Variants in ZNF704 observed in about 807,000 individuals in gnomAD.
ZNF704 encodes zinc finger protein 704.
Under a neutral mutation model 44.7 loss-of-function variants are expected in ZNF704, and 10 were observed. The observed-to-expected ratio is 0.22, with a 90% CI of 0.14 to 0.38. The LOEUF is 0.38. ZNF704 is among the 10% of genes least tolerant of loss of function. The pLI, the probability that ZNF704 is intolerant of heterozygous loss-of-function variation, is 1.00. For missense variants in ZNF704, 390 were observed against 545.5 expected (o/e 0.71, Z 2.84); for synonymous variants, 211 against 207.6 (o/e 1.02, Z -0.14).
chr8:80,716,258 T>G (rs1819070886), intron 2 of ZNF704, among the ~76,000 whole-genome samples: 1 of 152,164 alleles, frequency 6.6e-6, no homozygotes, highest in Admixed American at 6.5e-5. Flanking sequence ...ATATTGGAAT[T>G]ATGGGAGTTA....
chr8:80,670,793 A>G (rs1245792234), intron 4 of ZNF704, among the ~76,000 whole-genome samples, 190 bp from the exon 5 acceptor site: 3 of 152,094 alleles, frequency 2.0e-5, no homozygotes, highest in Admixed American at 6.5e-5. Context: ...TTATTTCCTC[A>G]TATCCTTCAA....
intron 1 of ZNF704, among the ~76,000 whole-genome samples, chr8:80,824,602 A>T (rs1808339610): frequency 6.6e-6 from 1 of 152,234 alleles, no homozygotes; most frequent in Non-Finnish European, 1.5e-5. Context: ...TGAGAAGAGC[A>T]ACTCCAAGAC....
At chr8:80,773,416 TTTAA>T (rs1807358148) in intron 2 of ZNF704, among the ~76,000 whole-genome samples, 1 of 152,234 alleles carries the variant, frequency 6.6e-6, no homozygotes. Flanking sequence ...GTCTCCCATT[TTTAA>T]TTGTTTTAAA....
At chr8:80,697,595 C>T (rs960377927) in intron 2 of ZNF704, among the ~76,000 whole-genome samples, 2 of 152,196 alleles carry the variant, frequency 1.3e-5, no homozygotes, top group Non-Finnish European at 2.9e-5. Flanking sequence ...TCTGCATTAC[C>T]ACCTGTGTGA....
chr8:80,818,586 T>C (rs1301770368), intron 2 of ZNF704, among the ~76,000 whole-genome samples: 1 of 152,190 alleles, frequency 6.6e-6, no homozygotes, highest in Non-Finnish European at 1.5e-5. Context: ...GTTTAGGAAA[T>C]AAAGACAAGA....
At chr8:80,819,071 A>G (rs1187588942) in intron 2 of ZNF704, among the ~76,000 whole-genome samples, 1 of 152,118 alleles carries the variant, frequency 6.6e-6, no homozygotes, top group African/African-American at 2.4e-5. Flanking sequence ...AAACAAGTAT[A>G]TTAGTAGATA....
intron 2 of ZNF704, among the ~76,000 whole-genome samples, chr8:80,817,321 C>G (rs1808192624): frequency 6.6e-6 from 1 of 152,248 alleles, no homozygotes; most frequent in African/African-American, 2.4e-5. Context: ...CCATCTGCTG[C>G]ATTTGCGCCA....
At chr8:80,870,295 A>G (rs1440027323) in intron 1 of ZNF704, among the ~76,000 whole-genome samples, 1 of 152,190 alleles carries the variant, frequency 6.6e-6, no homozygotes, top group African/African-American at 2.4e-5. Context: ...ACTGTATCCC[A>G]TCTTTTAAAA....
chr8:80,815,002 C>T (rs1174858900), intron 2 of ZNF704, among the ~76,000 whole-genome samples: 2 of 152,182 alleles, frequency 1.3e-5, no homozygotes, highest in African/African-American at 4.8e-5. Flanking sequence ...CAAATTAGTT[C>T]ACAGTTTCCC....
In ZNF704 at chr8:80,638,532, G is replaced by A. The variant is rs929579640; in HGVS notation, c.*2834C>T. The A allele has an allele frequency of 2.0e-5, 3 of 152,232 alleles. No individual in the cohort carries two copies. The highest frequency in any genetic ancestry group is 7.3e-5 in the African/African-American group (3 of 41,270). 9.4% of individuals were successfully genotyped at this position (152,232 alleles called of 1,614,324 possible). ...TCCACAGAGATGGCATCAAACGAAT[G>A]TCTGGTTAATTTGGCACTTCATTTA... On this transcript the variant is annotated 3_prime_UTR_variant, in exon 9 of 9. Transcript: ENST00000327835.
intron 1 of ZNF704, among the ~76,000 whole-genome samples, chr8:80,826,815 GA>G (rs1308469107): frequency 1.3e-5 from 2 of 151,910 alleles, no homozygotes; most frequent in South Asian, 2.1e-4. Context: ...CAGAACCAAA[GA>G]AAAAAACCAC....
chr8:80,870,539 CA>C (rs1023970404), intron 1 of ZNF704, among the ~76,000 whole-genome samples: 3 of 152,206 alleles, frequency 2.0e-5, no homozygotes, highest in Non-Finnish European at 4.4e-5. Context: ...CAGCAGCATT[CA>C]ATACAGTTCA....
rs771513013 is a variant in ZNF704 at position 80,821,627 on chromosome 8, AAC to A, written c.-21-14_-21-13del. ...TTAATGCTCCCCACCTGTGAAATGA[AAC>A]ACAGAAATTCTTACTCACATAAAAC... is the stretch of plus-strand genomic sequence containing the variant. On this transcript the variant is annotated splice_polypyrimidine_tract_variant and intron_variant, in intron 1 of 8. Coordinates refer to ENST00000327835, the MANE Select transcript of ZNF704 (RefSeq NM_001033723.3). 6.2e-7 allele frequency: 1 copy of A among 1,600,004 alleles called. No individual in the cohort carries two copies. The highest frequency in any genetic ancestry group is 2.2e-5 in the East Asian group (1 of 44,788).
chr8:80,663,001 T>C (rs2131607944), intron 6 of ZNF704, among the ~76,000 whole-genome samples: 1 of 152,198 alleles, frequency 6.6e-6, no homozygotes, highest in Non-Finnish European at 1.5e-5. Context: ...TTTTAAAAAG[T>C]TGAATAAGGT....
chr8:80,866,803 G>A (rs568310505), intron 1 of ZNF704, among the ~76,000 whole-genome samples: 1 of 152,220 alleles, frequency 6.6e-6, no homozygotes, highest in South Asian at 2.1e-4. Context: ...GGCTCTCTCA[G>A]GCTGTGTTAG....
rs1320899929 is a variant in ZNF704 at position 80,641,331 on chromosome 8, G to A, written c.*35C>T. ...GCAGTGGCAGGCCAGGGCAGGAGCG[G>A]CTCAGGGCCCTGAGCCCCTCTGCCT... On this transcript the variant is annotated 3_prime_UTR_variant, in exon 9 of 9. Coordinates refer to ENST00000327835, the MANE Select transcript of ZNF704 (RefSeq NM_001033723.3). The A allele has an allele frequency of 1.4e-6, 2 of 1,440,140 alleles. No individual in the cohort carries two copies. The highest frequency in any genetic ancestry group is 2.0e-5 in the Admixed American group (1 of 50,106). The allele number at this position is 1,440,140 out of a possible 1,614,324, so 89.2% of individuals were successfully genotyped here.
At chr8:80,728,989 C>T (rs898133257) in intron 2 of ZNF704, among the ~76,000 whole-genome samples, 8 of 152,054 alleles carry the variant, frequency 5.3e-5, no homozygotes, top group Non-Finnish European at 8.8e-5. Context: ...CCGAAACGAC[C>T]GTTATGAAAA....
upstream of ZNF704, among the ~76,000 whole-genome samples, chr8:80,876,159 C>T (rs1809354004): frequency 6.6e-6 from 1 of 152,214 alleles, no homozygotes; most frequent in Non-Finnish European, 1.5e-5. Flanking sequence ...TTTCCCTCCT[C>T]AGATGCCACC....
chr8:80,802,637 G>C (rs762484428), intron 2 of ZNF704, among the ~76,000 whole-genome samples: 33 of 151,876 alleles, frequency 2.2e-4, no homozygotes, highest in Non-Finnish European at 3.7e-4. Flanking sequence ...TAAAATTCAA[G>C]ATCACTTCAT....
Sources: allele counts gnomAD v4.1 joint callset (sites outside exome capture counted in the v4.1 genomes callset), GRCh38; gene constraint gnomAD v4.1.1; transcripts MANE v1.5; gene names NCBI Gene and HGNC (gene_info 2026-07-23, HGNC 2026-07-21).